SUPT3H: variants seen among roughly 807,000 people sequenced by gnomAD.
SUPT3H encodes SPT3 homolog, SAGA and STAGA complex component.
Under a neutral mutation model 44.3 loss-of-function variants are expected in SUPT3H, and 44 were observed. That is an observed-to-expected ratio of 0.99 (90% CI 0.78 to 1.28). SUPT3H has a LOEUF of 1.28. Ranked by LOEUF, SUPT3H falls within the 50% of genes most tolerant of loss-of-function variation. The probability of loss-of-function intolerance (pLI) is 0.00; values close to 1 mark genes in which losing one functional copy is unlikely to be tolerated. For missense variants in SUPT3H, 380 were observed against 387.1 expected (o/e 0.98, Z 0.15); for synonymous variants, 124 against 125.6 (o/e 0.99, Z 0.09).
chr6:45,015,129 A>G lies in SUPT3H; in HGVS notation c.274-238T>C, dbSNP rs78181682. Among the ~76,000 whole-genome samples the G allele has an allele frequency of 5.3e-3, 806 of 152,244 alleles. 5 individuals are homozygous for G. Among genetic ancestry groups the G allele is most frequent in the African/African-American group, 0.018 (752 of 41,552 alleles). ...TATTCGGATGTTCCAGAATCACAAT[A>G]CTCACACATTGCTTAATGAAGGGGA... On this transcript the variant is annotated intron_variant, in intron 4 of 10. Coordinates refer to ENST00000371459, the MANE Select transcript of SUPT3H (RefSeq NM_003599.4).
intron 10 of SUPT3H, among the ~76,000 whole-genome samples, chr6:44,888,206 T>C (rs549229264): frequency 6.6e-6 from 1 of 152,286 alleles, no homozygotes; most frequent in African/African-American, 2.4e-5. Flanking sequence ...ATTGGTACCA[T>C]TCCTTCTGAA....
chr6:45,195,329 A>G (rs1392549356), intron 2 of SUPT3H, among the ~76,000 whole-genome samples: 1 of 152,188 alleles, frequency 6.6e-6, no homozygotes, highest in African/African-American at 2.4e-5. Flanking sequence ...CCAACTAGGT[A>G]CAGGTGTGTA....
At chr6:44,952,303 AGGC>A (rs1335601965) in intron 9 of SUPT3H, among the ~76,000 whole-genome samples, 1 of 152,240 alleles carries the variant, frequency 6.6e-6, no homozygotes, top group East Asian at 1.9e-4. Context: ...CTGAAACTGT[AGGC>A]AAAATTTGTG....
intron 6 of SUPT3H, among the ~76,000 whole-genome samples, chr6:44,969,140 C>T (rs912986460): frequency 6.6e-6 from 1 of 152,154 alleles, no homozygotes; most frequent in East Asian, 1.9e-4. Flanking sequence ...TAGTATTATA[C>T]CCCTTCCTGC....
intron 11 of SUPT3H, among the ~76,000 whole-genome samples, chr6:44,813,146 A>G (rs1010834820): frequency 2.6e-5 from 4 of 152,162 alleles, no homozygotes; most frequent in African/African-American, 9.7e-5. Flanking sequence ...ACTGTACCCC[A>G]TCTGCCTGCC....
chr6:45,339,962 T>C (rs1789416051), intron 2 of SUPT3H, among the ~76,000 whole-genome samples: 1 of 152,152 alleles, frequency 6.6e-6, no homozygotes, highest in Non-Finnish European at 1.5e-5. Context: ...GAGACATGTA[T>C]CATAATTATT....
chr6:44,860,289 T>C (rs1173353930), intron 10 of SUPT3H, among the ~76,000 whole-genome samples: 1 of 152,222 alleles, frequency 6.6e-6, no homozygotes, highest in African/African-American at 2.4e-5. Flanking sequence ...TTCAGAGATA[T>C]TCACAATCAA....
intron 2 of SUPT3H, among the ~76,000 whole-genome samples, chr6:45,313,881 C>A (rs1784336138): frequency 6.6e-6 from 1 of 152,034 alleles, no homozygotes; most frequent in South Asian, 2.1e-4. Context: ...AACATAGATA[C>A]TAAAATCCTT....
At chr6:45,243,034 A>C (rs913774610) in intron 2 of SUPT3H, among the ~76,000 whole-genome samples, 3 of 152,024 alleles carry the variant, frequency 2.0e-5, no homozygotes. Flanking sequence ...TCTCTACTAA[A>C]AATACAAAAA....
intron 3 of SUPT3H, among the ~76,000 whole-genome samples, chr6:45,070,739 CAAAAAAA>C (rs11393241): frequency 1.9e-5 from 2 of 102,860 alleles, no homozygotes; most frequent in South Asian, 3.4e-4. Flanking sequence ...CTGTCTCAAA[CAAAAAAA>C]AAAAAAAAAA....
chr6:45,031,719 C>T (rs756081749), intron 3 of SUPT3H, among the ~76,000 whole-genome samples: 54 of 152,042 alleles, frequency 3.6e-4, no homozygotes, highest in Non-Finnish European at 6.0e-4. Flanking sequence ...TAAGCACTTA[C>T]ATCAATAAGA....
intron 2 of SUPT3H, among the ~76,000 whole-genome samples, chr6:45,285,458 CAGAG>C (rs1437669441): frequency 1.3e-5 from 2 of 152,090 alleles, no homozygotes; most frequent in Non-Finnish European, 2.9e-5. Flanking sequence ...AACAGACAAA[CAGAG>C]AGCCAAATCG....
intron 3 of SUPT3H, among the ~76,000 whole-genome samples, chr6:45,035,756 C>T (rs1448622632): frequency 6.6e-6 from 1 of 151,996 alleles, no homozygotes; most frequent in East Asian, 1.9e-4. Flanking sequence ...GGGTAGAAAA[C>T]TCACTTTCCG....
chr6:45,027,624 C>T (rs1562293694), intron 3 of SUPT3H, among the ~76,000 whole-genome samples: 1 of 152,130 alleles, frequency 6.6e-6, no homozygotes, highest in Non-Finnish European at 1.5e-5. Context: ...AAAATAGGCA[C>T]TTAACTAGAA....
intron 9 of SUPT3H, among the ~76,000 whole-genome samples, chr6:44,941,900 G>C (rs1462338762): frequency 6.6e-6 from 1 of 152,080 alleles, no homozygotes; most frequent in Non-Finnish European, 1.5e-5. Context: ...ATAGAAAGAA[G>C]TGTATAAATG....
chr6:44,972,716 A>G (rs1476492773), intron 6 of SUPT3H, among the ~76,000 whole-genome samples: 1 of 152,168 alleles, frequency 6.6e-6, no homozygotes, highest in African/African-American at 2.4e-5. Context: ...TGTGAAGTCT[A>G]GGTGGAGGTT....
chr6:45,334,976 A>G (rs888085281), intron 2 of SUPT3H, among the ~76,000 whole-genome samples: 4 of 151,438 alleles, frequency 2.6e-5, no homozygotes, highest in South Asian at 2.1e-4. Context: ...TTAAAAACTG[A>G]TATCAGTTAA....
At chr6:45,322,988 A>G (rs1332504033) in intron 2 of SUPT3H, 6 of 1,515,404 alleles carry the variant, frequency 4.0e-6, no homozygotes, top group Non-Finnish European at 5.5e-6. Flanking sequence ...AAAAACTTCA[A>G]ACAATTAAGC....
chr6:44,925,912 A>G (rs1582536049), intron 10 of SUPT3H, among the ~76,000 whole-genome samples: 1 of 152,178 alleles, frequency 6.6e-6, no homozygotes, highest in African/African-American at 2.4e-5. Flanking sequence ...ACAAATGCCA[A>G]TGAATTTTCT....
Sources: allele counts gnomAD v4.1 joint callset (sites outside exome capture counted in the v4.1 genomes callset), GRCh38; gene constraint gnomAD v4.1.1; transcripts MANE v1.5; gene names NCBI Gene and HGNC (gene_info 2026-07-23, HGNC 2026-07-21).